MED16: variants seen among roughly 807,000 people sequenced by gnomAD.
MED16 encodes mediator complex subunit 16, also known as mediator of RNA polymerase II transcription subunit 16.
A neutral mutation model predicts 84.4 loss-of-function variants in MED16; 81 were observed. The observed-to-expected ratio is 0.96, with a 90% CI of 0.80 to 1.15. The LOEUF is 1.15. MED16 is among the 50% of genes most tolerant of loss of function. The pLI is 0.00. For missense variants in MED16, 1,585 were observed against 1,245.9 expected (o/e 1.27, Z -4.10); for synonymous variants, 897 against 552.2 (o/e 1.62, Z -8.76).
Position 870,984 on chromosome 19 carries a change from G to A in MED16, c.2315+53C>T, listed in dbSNP as rs530725204. Reference sequence around the variant, plus strand: ...GTGTGGATTCGGGGGTCCCGGGGCAGGACACGGAGGAAGGAGTCCTGTGTT... The same window carrying A: ...GTGTGGATTCGGGGGTCCCGGGGCAAGACACGGAGGAAGGAGTCCTGTGTT... On this transcript the variant is annotated intron_variant, in intron 13 of 15. Transcript: ENST00000325464. 143 of 1,460,952 alleles carry A rather than the reference G, an allele frequency of 9.8e-5. No individual in the cohort carries two copies. The African/African-American group carries it at 1.6e-3, about 16-fold the overall frequency. The allele number at this position is 1,460,952 out of a possible 1,614,324, so 90.5% of individuals were successfully genotyped here.
intron 4 of MED16, among the ~76,000 whole-genome samples, chr19:886,426 G>A (rs551946154): frequency 5.3e-5 from 8 of 152,266 alleles, no homozygotes; most frequent in Non-Finnish European, 1.0e-4. Flanking sequence ...TTAGAGGACA[G>A]TGGGGAGGAT....
chr19:869,064 G>T, intron 13 of MED16, 118 bp from the exon 14 acceptor site: 1 of 883,606 alleles, frequency 1.1e-6, no homozygotes, highest in Non-Finnish European at 1.7e-6. Flanking sequence ...CATCTGCCAG[G>T]TGGGCCCAGA....
Position 871,244 on chromosome 19 carries a change from T to C in MED16, c.2108A>G (p.Glu703Gly). The change falls in exon 13 of 16, where the codon GAG becomes GGG. Residue 703 changes from glutamate (E) to glycine (G), a missense_variant. Glu to Gly is a moderately conservative substitution (Grantham distance 98). Transcript: ENST00000325464. Reference protein sequence around the residue: ...LTKLWICCRDEGPASEPDEAL... With the variant: ...LTKLWICCRDGGPASEPDEAL... ...CTCGTCCGGCTCGCTCGCTGGGCCC[T>C]CATCGCGACCTGCGGAGAGAGGTGG... 2 of 1,538,112 alleles carry C rather than the reference T, an allele frequency of 1.3e-6. No individual in the cohort carries two copies. The highest frequency in any genetic ancestry group is 1.7e-4 in the Middle Eastern group (1 of 5,890).
At chr19:870,357 T>TC (rs1436236469) in intron 13 of MED16, among the ~76,000 whole-genome samples, 2 of 151,786 alleles carry the variant, frequency 1.3e-5, no homozygotes, top group African/African-American at 4.8e-5. Context: ...GGTCAGGAGT[T>TC]CAAGACCAGC....
At chr19:877,614 C>G (rs1000879735) in intron 8 of MED16, among the ~76,000 whole-genome samples, 4 of 91,452 alleles carry the variant, frequency 4.4e-5, no homozygotes, top group African/African-American at 1.9e-4. Flanking sequence ...GGTCCCTTCC[C>G]CCGGGGGCGC....
Position 871,160 on chromosome 19 carries a change from C to G in MED16, c.2192G>C (p.Trp731Ser), listed in dbSNP as rs2036042000. 2 of 1,548,944 alleles carry G rather than the reference C, an allele frequency of 1.3e-6. No homozygotes were observed. The highest frequency in any genetic ancestry group is 1.7e-6 in the Non-Finnish European group (2 of 1,146,026). The change falls in exon 13 of 16, where the codon TGG becomes TCG. Residue 731 changes from tryptophan (W) to serine (S), a missense_variant. Trp to Ser is a radical substitution (Grantham distance 177). Transcript: ENST00000325464. The part of the protein sequence containing the change: ...PSQLLIPSLD[W>S]LPASDGLVSR... Reference sequence around the variant, plus strand: ...AACCAGGCCGTCGCTGGCTGGCAGCCAGTCCAGGCTGGGGATAAGCAGCTG... The same window carrying G: ...AACCAGGCCGTCGCTGGCTGGCAGCGAGTCCAGGCTGGGGATAAGCAGCTG...
At chr19:880,682 G>C (rs999231989) in intron 7 of MED16, among the ~76,000 whole-genome samples, 3 of 152,242 alleles carry the variant, frequency 2.0e-5, no homozygotes, top group African/African-American at 7.2e-5. Context: ...CACTTTGGGA[G>C]GCTGAGGCGG....
In MED16 at chr19:868,058, G is replaced by A. The variant is rs542394626; in HGVS notation, c.*43C>T. The stretch of plus-strand genomic sequence containing the variant: ...GGTGAGGCAAGGAAACCGAGGAGAC[G>A]CCCGAGCCGGGTCACCACAAGGTCC... On this transcript the variant is annotated 3_prime_UTR_variant, in exon 16 of 16. Transcript: ENST00000325464. 1.2e-4 allele frequency: 194 copies of A among 1,560,644 alleles called. No individual in the cohort carries two copies. The highest frequency in any genetic ancestry group is 2.5e-4 in the Admixed American group (12 of 48,732).
chr19:871,544 A>G (rs778711464), intron 12 of MED16: 2 of 1,583,460 alleles, frequency 1.3e-6, no homozygotes, highest in African/African-American at 1.3e-5. Context: ...GGATGTAAGA[A>G]TGACACAGCT....
intron 1 of MED16, chr19:892,881 A>AGCGCCCCGC: frequency 7.2e-6 from 1 of 137,948 alleles, no homozygotes; most frequent in East Asian, 2.4e-4. Flanking sequence ...CTGAGCCCCG[A>AGCGCCCCGC]GCCCCGCGCC....
intron 4 of MED16, among the ~76,000 whole-genome samples, chr19:888,993 G>A (rs73505576): frequency 0.014 from 2,049 of 150,696 alleles, 64 homozygotes; most frequent in African/African-American, 0.047. Context: ...ACAGAGGTGA[G>A]GAGTCAGAGC....
intron 13 of MED16, among the ~76,000 whole-genome samples, chr19:869,370 G>A (rs373300994): frequency 1.4e-5 from 2 of 145,972 alleles, no homozygotes; most frequent in South Asian, 2.4e-4. Flanking sequence ...GAGGTGCCGG[G>A]ACCTCTGAAC....
chr19:886,855 C>A (rs1230849795), intron 4 of MED16, among the ~76,000 whole-genome samples: 1 of 152,112 alleles, frequency 6.6e-6, no homozygotes, highest in African/African-American at 2.4e-5. Flanking sequence ...GCAGGTGGAT[C>A]CCCTGAGGTC....
chr19:879,871 A>T, intron 8 of MED16, 66 bp downstream of exon 8: 1 of 1,261,704 alleles, frequency 7.9e-7, no homozygotes, highest in Non-Finnish European at 1.1e-6. Flanking sequence ...GTCAATGCCC[A>T]GCAGCTCGCC....
At chr19:885,115 C>CG in intron 5 of MED16, 107 bp from the exon 6 acceptor site, 3 of 814,868 alleles carry the variant, frequency 3.7e-6, no homozygotes, top group Non-Finnish European at 5.9e-6. Context: ...CTGGGCCTGT[C>CG]TCTTCAGCCA....
chr19:879,488 A>AC, intron 8 of MED16, among the ~76,000 whole-genome samples: 1 of 88,568 alleles, frequency 1.1e-5, no homozygotes, highest in East Asian at 3.5e-4. Context: ...CACCAGCCCC[A>AC]GCCCCACGTG....
Position 885,455 on chromosome 19 carries a change from G to GGGGGGGTCC in MED16, c.879+306_879+314dup, listed in dbSNP as rs2036506042. ...GACACTGAGACGGGAGAGCACGTTG[G>GGGGGGGTCC]GGGGGGTCCGGGGGCCCCAGTGTCC... On this transcript the variant is annotated intron_variant, in intron 5 of 15. Transcript: ENST00000325464. 2.0e-5 allele frequency among the ~76,000 whole-genome samples: 3 copies of GGGGGGGTCC among 152,028 alleles called. No homozygotes were observed. The South Asian group carries it at 6.2e-4, about 32-fold the overall frequency.
intron 5 of MED16, 114 bp downstream of exon 5, chr19:885,656 C>T (rs2036510417): frequency 1.6e-6 from 2 of 1,282,106 alleles, no homozygotes; most frequent in East Asian, 5.0e-5. Flanking sequence ...ACCGGCCCTG[C>T]CCACACCACG....
At chr19:872,920 G>A in intron 11 of MED16, 2 of 1,038,322 alleles carry the variant, frequency 1.9e-6, no homozygotes, top group Non-Finnish European at 2.3e-6. Context: ...TACAGCAGAG[G>A]CTTCATGGAG....
Sources: allele counts gnomAD v4.1 joint callset (sites outside exome capture counted in the v4.1 genomes callset), GRCh38; gene constraint gnomAD v4.1.1; transcripts MANE v1.5; gene names NCBI Gene and HGNC (gene_info 2026-07-23, HGNC 2026-07-21).